The following IGSF23 variants were observed in gnomAD, a reference collection of about 807,000 sequenced individuals.
IGSF23 encodes immunoglobulin superfamily, member 23.
A neutral mutation model predicts 17.8 loss-of-function variants in IGSF23; 14 were observed. The ratio of observed to expected loss-of-function variants is 0.79; its 90% CI spans 0.52 to 1.23. The LOEUF is 1.23. IGSF23 is among the 50% of genes most tolerant of loss of function. IGSF23 has a pLI of 0.00. For missense variants in IGSF23, 214 were observed against 241.7 expected (o/e 0.89, Z 0.76); for synonymous variants, 85 against 92.5 (o/e 0.92, Z 0.46).
intron 2 of IGSF23, among the ~76,000 whole-genome samples, chr19:44,625,862 C>G (rs929092669): frequency 6.6e-6 from 1 of 152,080 alleles, no homozygotes; most frequent in African/African-American, 2.4e-5. Context: ...ATAAGTCTCA[C>G]GAGTTCTGAT....
chr19:44,613,623 G>A lies in IGSF23; in HGVS notation c.-23G>A, dbSNP rs846897. 389,564 of 1,524,646 alleles carry A rather than the reference G, an allele frequency of 0.26. 50,818 individuals carry two copies. The highest frequency in any genetic ancestry group is 0.31 in the East Asian group (12,522 of 40,450). The allele number at this position is 1,524,646 out of a possible 1,614,324, so 94.4% of individuals were successfully genotyped here. Reference sequence around the variant, plus strand: ...GATTCTGCTTCTCCCTCCATCTCCCGGCGGGGATTGTACGGTGAGAGAATG... The same window carrying A: ...GATTCTGCTTCTCCCTCCATCTCCCAGCGGGGATTGTACGGTGAGAGAATG... On this transcript the variant is annotated 5_prime_UTR_variant, in exon 1 of 5. Coordinates refer to ENST00000402988, the MANE Select transcript of IGSF23 (RefSeq NM_001205280.2).
chr19:44,624,911 A>C (rs1455627009), intron 2 of IGSF23, among the ~76,000 whole-genome samples: 1 of 151,638 alleles, frequency 6.6e-6, no homozygotes, highest in Non-Finnish European at 1.5e-5. Flanking sequence ...AAAAAAAAAA[A>C]AAAAAAAAAA....
At chr19:44,613,940 C>T in intron 1 of IGSF23, 170 bp downstream of exon 1, 1 of 1,545,944 alleles carries the variant, frequency 6.5e-7, no homozygotes, top group Non-Finnish European at 8.7e-7. Context: ...GAGGGGTCCT[C>T]TGGACGTCAG....
intron 1 of IGSF23, 34 bp from the exon 2 acceptor site, chr19:44,623,673 C>T (rs1272523828): frequency 1.3e-6 from 2 of 1,546,200 alleles, no homozygotes; most frequent in Admixed American, 2.0e-5. Flanking sequence ...GTGGACTCCA[C>T]TCTTGTGGCC....
At chr19:44,633,442 G>A (rs1383917664) in intron 3 of IGSF23, among the ~76,000 whole-genome samples, 4 of 152,184 alleles carry the variant, frequency 2.6e-5, no homozygotes, top group Non-Finnish European at 5.9e-5. Context: ...TGTTGATTTT[G>A]AAGGATATAT....
At position 44,635,372 on chromosome 19, in the gene IGSF23, CTCTG is replaced by C. The variant is rs1002710898; in HGVS notation, c.546-25_546-22del. On this transcript the variant is annotated intron_variant, in intron 3 of 4. Coordinates refer to ENST00000402988, the MANE Select transcript of IGSF23 (RefSeq NM_001205280.2). The stretch of plus-strand genomic sequence containing the variant: ...ATTCTCTCTCTCTCTCTCTCTCTCT[CTCTG>C]TCTCTCTCTCTCTCTCCACTGCAGG... 2.8e-5 allele frequency: 25 copies of C among 883,080 alleles called. No individual in the cohort carries two copies. In the African/African-American group the frequency reaches 5.6e-4, roughly 20 times the overall value. The allele number at this position is 883,080 out of a possible 1,614,324, so 54.7% of individuals were successfully genotyped here.
At chr19:44,631,988 G>A (rs1972778250) in intron 3 of IGSF23, among the ~76,000 whole-genome samples, 1 of 152,186 alleles carries the variant, frequency 6.6e-6, no homozygotes, top group Non-Finnish European at 1.5e-5. Context: ...TTGCGGGGGG[G>A]CCTGTTGGTG....
intron 4 of IGSF23, among the ~76,000 whole-genome samples, chr19:44,635,930 T>A (rs1674186047): frequency 6.6e-6 from 1 of 152,132 alleles, no homozygotes; most frequent in Admixed American, 6.5e-5. Context: ...CTCAGCTGGG[T>A]AGTTCTGGTC....
chr19:44,635,830 T>C (rs1972877966), intron 4 of IGSF23, among the ~76,000 whole-genome samples: 1 of 152,238 alleles, frequency 6.6e-6, no homozygotes, highest in Non-Finnish European at 1.5e-5. Context: ...GCATTTGCTT[T>C]GTAACAAACT....
At position 44,613,660 on chromosome 19, in the gene IGSF23, T is replaced by C. The variant is rs573654181; in HGVS notation, c.15T>C (p.Pro5=). The change falls in exon 1 of 5, where the codon CCT becomes CCC. Residue 5 remains proline, a synonymous_variant. Coordinates refer to ENST00000402988, the MANE Select transcript of IGSF23 (RefSeq NM_001205280.2). ...ACGGTGAGAGAATGAGAGCAAAACC[T>C]CAGAGCCCCCTTCCCAGGAACCCTG... MRAK[P]QSPLPRNPVP... The C allele has an allele frequency of 1.8e-5, 28 of 1,548,768 alleles. No homozygotes were observed. The highest frequency in any genetic ancestry group is 1.7e-4 in the Middle Eastern group (1 of 6,002).
intron 1 of IGSF23, among the ~76,000 whole-genome samples, chr19:44,615,216 G>A (rs1022468145): frequency 6.6e-6 from 1 of 152,182 alleles, no homozygotes. Flanking sequence ...GTGAACCCGG[G>A]AGGCGGAGCT....
At chr19:44,626,117 A>G (rs1972641128) in intron 2 of IGSF23, among the ~76,000 whole-genome samples, 1 of 151,898 alleles carries the variant, frequency 6.6e-6, no homozygotes, top group Non-Finnish European at 1.5e-5. Context: ...TGGCCAGGAG[A>G]GAAGAGAGGG....
chr19:44,617,276 A>G (rs1397813374), intron 1 of IGSF23, among the ~76,000 whole-genome samples: 1 of 151,854 alleles, frequency 6.6e-6, no homozygotes, highest in Non-Finnish European at 1.5e-5. Context: ...GTGGTGCCCA[A>G]GAGACGCAGG....
chr19:44,615,597 T>G (rs939292012), intron 1 of IGSF23, among the ~76,000 whole-genome samples: 3 of 150,236 alleles, frequency 2.0e-5, no homozygotes, highest in Middle Eastern at 3.4e-3. Context: ...CACTCCAGCC[T>G]GAGCAACAAG....
intron 4 of IGSF23, 26 bp downstream of exon 4, chr19:44,635,491 A>C: frequency 6.6e-7 from 1 of 1,512,942 alleles, no homozygotes; most frequent in Admixed American, 2.0e-5. Context: ...GTGTGAAGGA[A>C]ATCCTAGGTT....
chr19:44,620,341 TTGTGTG>T (rs373422531), intron 1 of IGSF23, among the ~76,000 whole-genome samples: 15,518 of 139,288 alleles, frequency 0.11, 845 homozygotes, highest in Middle Eastern at 0.14. Context: ...ATGACTAATT[TTGTGTG>T]TGTGTGTGTG....
At chr19:44,615,911 C>CA (rs1555755393) in intron 1 of IGSF23, among the ~76,000 whole-genome samples, 5 of 77,548 alleles carry the variant, frequency 6.4e-5, no homozygotes, top group South Asian at 4.4e-4. Context: ...TTCCTGGGGG[C>CA]GGGAGGGTGG....
At chr19:44,620,345 G>A (rs1178176383) in intron 1 of IGSF23, among the ~76,000 whole-genome samples, 4 of 49,814 alleles carry the variant, frequency 8.0e-5, no homozygotes, top group Non-Finnish European at 1.8e-4. Flanking sequence ...CTAATTTTGT[G>A]TGTGTGTGTG....
At chr19:44,632,821 G>C (rs938668485) in intron 3 of IGSF23, among the ~76,000 whole-genome samples, 3 of 152,226 alleles carry the variant, frequency 2.0e-5, no homozygotes, top group Non-Finnish European at 4.4e-5. Context: ...AGACTCAATT[G>C]TGTATGGGCT....
Sources: allele counts gnomAD v4.1 joint callset (sites outside exome capture counted in the v4.1 genomes callset), GRCh38; gene constraint gnomAD v4.1.1; transcripts MANE v1.5; gene names NCBI Gene and HGNC (gene_info 2026-07-23, HGNC 2026-07-21).